Variants in SPMIP7 observed in about 807,000 individuals in gnomAD.
SPMIP7 encodes sperm microtubule inner protein 7, also known as protein SPMIP7.
At chr7:50,100,285 G>A in the SPMIP7 span, among the ~76,000 whole-genome samples, 1 of 152,226 alleles carries the variant, frequency 6.6e-6, no homozygotes, top group East Asian at 1.9e-4. Context: ...TACTGCACCA[G>A]GGGCAGGGAA....
the SPMIP7 span, chr7:50,134,072 C>T: frequency 1.3e-6 from 2 of 1,499,514 alleles, no homozygotes; most frequent in South Asian, 1.3e-5. Context: ...ATTGAATATG[C>T]TTTTCATAAG....
chr7:50,098,421 A>G, the SPMIP7 span, among the ~76,000 whole-genome samples: 1 of 152,138 alleles, frequency 6.6e-6, no homozygotes, highest in African/African-American at 2.4e-5. Context: ...ATCTATTGTC[A>G]CTTCCTTGAT....
At chr7:50,107,110 G>A in the SPMIP7 span, among the ~76,000 whole-genome samples, 9 of 151,546 alleles carry the variant, frequency 5.9e-5, no homozygotes, top group African/African-American at 2.2e-4. Flanking sequence ...GGTGGCACAT[G>A]TCTGGGAGGT....
At chr7:50,153,840 C>T in the SPMIP7 span, among the ~76,000 whole-genome samples, 15 of 152,118 alleles carry the variant, frequency 9.9e-5, no homozygotes, top group Admixed American at 7.2e-4. Context: ...TCTCAGGCCC[C>T]GACTAGCCTG....
chr7:50,101,714 T>C, the SPMIP7 span, among the ~76,000 whole-genome samples: 1 of 152,164 alleles, frequency 6.6e-6, no homozygotes, highest in African/African-American at 2.4e-5. Flanking sequence ...TGGCTCCAAA[T>C]AAGATAGATA....
At chr7:50,138,612 G>A in the SPMIP7 span, among the ~76,000 whole-genome samples, 4 of 152,116 alleles carry the variant, frequency 2.6e-5, no homozygotes, top group Non-Finnish European at 5.9e-5. Context: ...TAAATTTAAA[G>A]CAAAATGTAG....
the SPMIP7 span, among the ~76,000 whole-genome samples, chr7:50,098,238 T>C: frequency 1.2e-4 from 19 of 152,248 alleles, no homozygotes; most frequent in Non-Finnish European, 2.1e-4. Context: ...TCCAAACCTG[T>C]GTAGACCTTT....
At chr7:50,140,033 T>C in the SPMIP7 span, 1 of 733,494 alleles carries the variant, frequency 1.4e-6, no homozygotes, top group Non-Finnish European at 2.2e-6. Flanking sequence ...ACAATTCCTA[T>C]GAGATATCTG....
the SPMIP7 span, chr7:50,159,176 C>G: frequency 6.5e-7 from 1 of 1,550,142 alleles, no homozygotes. Context: ...CTAGAGGAGG[C>G]GGCCCTGCGC....
the SPMIP7 span, among the ~76,000 whole-genome samples, chr7:50,133,346 G>A: frequency 1.3e-5 from 2 of 152,038 alleles, no homozygotes; most frequent in Admixed American, 6.6e-5. Flanking sequence ...TGGAATAGTG[G>A]GACTGTTGCT....
At chr7:50,096,036 G>A in the SPMIP7 span, 118,485 of 1,199,140 alleles carry the variant, frequency 0.099, 6,773 homozygotes, top group Non-Finnish European at 0.12. Context: ...AAATATAAAG[G>A]AATTATCAGA....
chr7:50,123,836 GT>G, the SPMIP7 span, among the ~76,000 whole-genome samples: 1 of 152,034 alleles, frequency 6.6e-6, no homozygotes, highest in African/African-American at 2.4e-5. Flanking sequence ...GAAACGTAGG[GT>G]TTTCCAGAAG....
chr7:50,108,647 G>T, the SPMIP7 span, among the ~76,000 whole-genome samples: 2 of 152,090 alleles, frequency 1.3e-5, no homozygotes, highest in African/African-American at 4.8e-5. Flanking sequence ...GATGACTCCA[G>T]CTGATGGGAG....
At chr7:50,123,392 G>A in the SPMIP7 span, among the ~76,000 whole-genome samples, 1 of 128,624 alleles carries the variant, frequency 7.8e-6, no homozygotes, top group East Asian at 2.4e-4. Context: ...ACAGGAAGGG[G>A]TACATCACAC....
chr7:50,098,238 T>A, the SPMIP7 span, among the ~76,000 whole-genome samples: 3 of 152,130 alleles, frequency 2.0e-5, no homozygotes, highest in African/African-American at 4.8e-5. Context: ...TCCAAACCTG[T>A]GTAGACCTTT....
the SPMIP7 span, among the ~76,000 whole-genome samples, chr7:50,109,747 T>C: frequency 1.3e-5 from 2 of 152,206 alleles, no homozygotes; most frequent in East Asian, 1.9e-4. Flanking sequence ...ATTTTTATTA[T>C]ATCTACCTCA....
the SPMIP7 span, chr7:50,134,007 CA>C: frequency 9.4e-7 from 1 of 1,069,366 alleles, no homozygotes; most frequent in East Asian, 2.6e-5. Flanking sequence ...CAGGGATCCT[CA>C]GGGTCATCTT....
the SPMIP7 span, among the ~76,000 whole-genome samples, chr7:50,125,377 C>CATAT: frequency 1.0e-4 from 1 of 9,728 alleles, no homozygotes; most frequent in Non-Finnish European, 2.8e-4. Flanking sequence ...TATATATACA[C>CATAT]ATATACACAC....
the SPMIP7 span, among the ~76,000 whole-genome samples, chr7:50,125,151 CATATATAT>C: frequency 3.5e-4 from 39 of 111,946 alleles, 2 homozygotes; most frequent in African/African-American, 1.0e-3. Flanking sequence ...CATATACACA[CATATATAT>C]ACACATATAT....
Sources: gnomAD v4.1 joint callset for allele counts (sites outside exome capture counted in the v4.1 genomes callset) on GRCh38, gnomAD v4.1.1 for gene constraint, MANE v1.5 for transcripts, NCBI Gene and HGNC (gene_info 2026-07-23, HGNC 2026-07-21) for gene names.